The following LRP1B variants were observed in gnomAD, a reference collection of about 807,000 sequenced individuals.
The protein encoded by LRP1B is low-density lipoprotein receptor-related protein 1B.
In LRP1B, 217 loss-of-function variants were observed where a neutral mutation model predicts 556.6. The observed-to-expected ratio is 0.39, with a 90% CI of 0.35 to 0.44. The LOEUF (loss-of-function observed/expected upper bound fraction) is 0.44. Among genes scored for constraint, LRP1B ranks in the 20% least tolerant of loss-of-function variants. LRP1B has a pLI of 1.00. For synonymous variants in LRP1B, 2,047 were observed against 1,865.8 expected (o/e 1.10, Z -2.50); for missense variants, 5,053 against 5,620.8 (o/e 0.90, Z 3.23).
chr2:141,567,623 G>T (rs961095705), intron 2 of LRP1B, among the ~76,000 whole-genome samples: 13 of 151,898 alleles, frequency 8.6e-5, no homozygotes, highest in African/African-American at 3.1e-4. Flanking sequence ...TGAGAAATTA[G>T]GTGATGACTA....
intron 66 of LRP1B, among the ~76,000 whole-genome samples, chr2:140,422,114 C>T (rs918109342): frequency 1.3e-5 from 2 of 152,060 alleles, no homozygotes; most frequent in African/African-American, 2.4e-5. Context: ...AAATATTTAT[C>T]GGTGTCAGAT....
intron 32 of LRP1B, among the ~76,000 whole-genome samples, chr2:140,786,556 T>G (rs192637765): frequency 3.7e-4 from 57 of 152,322 alleles, no homozygotes; most frequent in Non-Finnish European, 7.4e-4. Context: ...AAAATCTCTT[T>G]CTTGTGGCAG....
intron 18 of LRP1B, 124 bp downstream of exon 18, chr2:140,982,036 C>T (rs1329880513): frequency 6.1e-6 from 4 of 656,710 alleles, no homozygotes; most frequent in African/African-American, 3.6e-5. Flanking sequence ...AACAAAAATG[C>T]CATATCTTCT....
chr2:141,360,205 G>A (rs1196948486), intron 3 of LRP1B, among the ~76,000 whole-genome samples: 2 of 152,168 alleles, frequency 1.3e-5, no homozygotes, highest in Admixed American at 6.5e-5. Flanking sequence ...TCTCTGATGT[G>A]GAAAAGCAAT....
intron 2 of LRP1B, among the ~76,000 whole-genome samples, chr2:141,737,635 T>C (rs568901105): frequency 1.3e-5 from 2 of 152,160 alleles, no homozygotes; most frequent in Non-Finnish European, 2.9e-5. Context: ...ATAGGAAAAC[T>C]AAGGGGCATG....
chr2:140,511,832 AC>A (rs1308676085), intron 51 of LRP1B, among the ~76,000 whole-genome samples: 3 of 152,266 alleles, frequency 2.0e-5, no homozygotes, highest in Admixed American at 2.0e-4. Flanking sequence ...TTGTTTGCTA[AC>A]TAGTATGTCT....
chr2:140,847,283 C>A (rs1692301162), intron 29 of LRP1B, among the ~76,000 whole-genome samples: 1 of 152,134 alleles, frequency 6.6e-6, no homozygotes, highest in African/African-American at 2.4e-5. Flanking sequence ...TGTTGTCATA[C>A]CCTCCCTGAA....
At chr2:140,821,302 A>G (rs1691321858) in intron 31 of LRP1B, among the ~76,000 whole-genome samples, 1 of 152,198 alleles carries the variant, frequency 6.6e-6, no homozygotes, top group South Asian at 2.1e-4. Context: ...GAATAATCAG[A>G]TGAAAATGTA....
intron 18 of LRP1B, 30 bp from the exon 19 acceptor site, chr2:140,951,970 T>G: frequency 6.9e-7 from 1 of 1,458,968 alleles, no homozygotes; most frequent in East Asian, 2.3e-5. Context: ...GTCCAAAAGG[T>G]AACATGTTAT....
At chr2:141,710,106 C>T (rs180896671) in intron 2 of LRP1B, among the ~76,000 whole-genome samples, 7 of 152,210 alleles carry the variant, frequency 4.6e-5, no homozygotes, top group African/African-American at 1.7e-4. Flanking sequence ...GGGGATTAAG[C>T]TTCAACATAT....
chr2:141,983,831 C>T (rs1317311453), intron 1 of LRP1B, among the ~76,000 whole-genome samples: 4 of 152,144 alleles, frequency 2.6e-5, no homozygotes, highest in Admixed American at 2.6e-4. Context: ...CAGACCAAGA[C>T]GGGCAGATCA....
chr2:141,300,266 G>A (rs1157897901), intron 3 of LRP1B, among the ~76,000 whole-genome samples: 2 of 152,084 alleles, frequency 1.3e-5, no homozygotes, highest in Admixed American at 6.6e-5. Flanking sequence ...CTGCTTTGGA[G>A]GTACACAAAG....
At chr2:140,940,233 G>T (rs1046834672) in intron 20 of LRP1B, among the ~76,000 whole-genome samples, 1 of 151,832 alleles carries the variant, frequency 6.6e-6, no homozygotes, top group African/African-American at 2.4e-5. Context: ...ACTTACCTGC[G>T]GAAATAGCTA....
chr2:141,854,376 A>G (rs1043250350), intron 1 of LRP1B, among the ~76,000 whole-genome samples: 1 of 152,044 alleles, frequency 6.6e-6, no homozygotes, highest in Non-Finnish European at 1.5e-5. Flanking sequence ...TCAGAAAGGG[A>G]TATTTTATCA....
intron 6 of LRP1B, among the ~76,000 whole-genome samples, chr2:141,197,539 A>G (rs1180362302): frequency 6.6e-6 from 1 of 152,102 alleles, no homozygotes; most frequent in Non-Finnish European, 1.5e-5. Flanking sequence ...AACATATATG[A>G]TATAAATACT....
intron 3 of LRP1B, among the ~76,000 whole-genome samples, chr2:141,294,248 G>A (rs1260144717): frequency 2.0e-5 from 3 of 152,188 alleles, no homozygotes; most frequent in Non-Finnish European, 4.4e-5. Context: ...CATGTTAAAT[G>A]ATCACAGAAT....
chr2:141,304,475 A>ATTTTTT (rs67213971), intron 3 of LRP1B, among the ~76,000 whole-genome samples: 1 of 83,866 alleles, frequency 1.2e-5, no homozygotes, highest in Non-Finnish European at 2.3e-5. Context: ...AGTTTCATTC[A>ATTTTTT]TTTTTTTTTT....
intron 6 of LRP1B, among the ~76,000 whole-genome samples, chr2:141,214,023 TA>T (rs200240825): frequency 0.02 from 3,043 of 152,322 alleles, 39 homozygotes; most frequent in Middle Eastern, 0.034. Flanking sequence ...TTACTTGTAT[TA>T]TTTTTTACTG....
At chr2:141,076,876 C>T (rs1699800700) in intron 7 of LRP1B, among the ~76,000 whole-genome samples, 3 of 152,096 alleles carry the variant, frequency 2.0e-5, no homozygotes, top group African/African-American at 4.8e-5. Flanking sequence ...AGTAGCTCTG[C>T]ATATTGTTAA....
Sources: gnomAD v4.1 joint callset for allele counts (sites outside exome capture counted in the v4.1 genomes callset) on GRCh38, gnomAD v4.1.1 for gene constraint, MANE v1.5 for transcripts, NCBI Gene and HGNC (gene_info 2026-07-23, HGNC 2026-07-21) for gene names.